The following CDC123 variants were observed in gnomAD, a reference collection of about 807,000 sequenced individuals.
CDC123 encodes translation initiation factor eIF2 assembly protein.
A neutral mutation model predicts 54.4 loss-of-function variants in CDC123; 37 were observed. That is an observed-to-expected ratio of 0.68 (90% CI 0.52 to 0.89). CDC123 has a LOEUF of 0.89. Among genes scored for constraint, CDC123 ranks in the 40% least tolerant of loss-of-function variants. CDC123 has a pLI of 0.00. For missense variants in CDC123, 361 were observed against 412.1 expected, an observed-to-expected ratio of 0.88 and a Z score of 1.07; for synonymous variants, 144 against 136.8, an observed-to-expected ratio of 1.05 and a Z score of -0.37.
chr10:12,207,446 C>T (rs12775830), intron 2 of CDC123, among the ~76,000 whole-genome samples: 1 of 151,796 alleles, frequency 6.6e-6, no homozygotes, highest in Non-Finnish European at 1.5e-5. Flanking sequence ...TTCCATGTCC[C>T]TTTTTTCTCT....
chr10:12,226,352 G>A (rs988277470), intron 6 of CDC123, among the ~76,000 whole-genome samples: 3 of 150,470 alleles, frequency 2.0e-5, no homozygotes, highest in Non-Finnish European at 4.4e-5. Context: ...GGCCGGGCGG[G>A]GGCTGCCCCC....
chr10:12,218,237 CT>C (rs1185705109), intron 6 of CDC123, among the ~76,000 whole-genome samples: 5 of 134,410 alleles, frequency 3.7e-5, no homozygotes, highest in African/African-American at 5.4e-5. Flanking sequence ...GTTTGTATTT[CT>C]TTTTTTTTCT....
At chr10:12,210,649 AGTG>A (rs1376054314) in intron 4 of CDC123, among the ~76,000 whole-genome samples, 1 of 152,156 alleles carries the variant, frequency 6.6e-6, no homozygotes, top group Non-Finnish European at 1.5e-5. Flanking sequence ...TGGAACATAA[AGTG>A]AAAATCTGTA....
intron 7 of CDC123, 26 bp downstream of exon 7, chr10:12,231,022 T>C (rs761414072): frequency 8.3e-6 from 13 of 1,569,412 alleles, no homozygotes; most frequent in Admixed American, 5.3e-5. Context: ...TCTTTGATAA[T>C]TGTAGATGAA....
chr10:12,206,903 G>A (rs1207669150), intron 2 of CDC123, among the ~76,000 whole-genome samples: 1 of 147,754 alleles, frequency 6.8e-6, no homozygotes, highest in East Asian at 2.0e-4. Flanking sequence ...ACCTTGCAAT[G>A]AGCTGAAATC....
rs553634477 is a variant in CDC123 at position 12,220,869 on chromosome 10, C to T, written c.440+3402C>T. Among the ~76,000 whole-genome samples, 630 of 151,778 alleles carry T rather than the reference C, an allele frequency of 4.2e-3. 17 individuals carry two copies. The highest frequency in any genetic ancestry group is 8.5e-4 in the Non-Finnish European group (58 of 67,928). ...GCGGGCGCCTGCAGTCCTAGCTACT[C>T]GGGAGGCTGAGGCAGGAGAATGGCG... On this transcript the variant is annotated intron_variant, in intron 6 of 12. Transcript: ENST00000281141.
At chr10:12,220,415 G>A (rs1190614222) in intron 6 of CDC123, among the ~76,000 whole-genome samples, 2 of 152,236 alleles carry the variant, frequency 1.3e-5, no homozygotes, top group African/African-American at 4.8e-5. Flanking sequence ...AAGTGAGTTT[G>A]AGGTCTTGGA....
At chr10:12,207,446 C>A (rs12775830) in intron 2 of CDC123, among the ~76,000 whole-genome samples, 22 of 151,798 alleles carry the variant, frequency 1.4e-4, no homozygotes, top group East Asian at 1.9e-4. Flanking sequence ...TTCCATGTCC[C>A]TTTTTTCTCT....
At chr10:12,217,582 C>A in intron 6 of CDC123, 115 bp downstream of exon 6, 1 of 1,048,498 alleles carries the variant, frequency 9.5e-7, no homozygotes, top group Non-Finnish European at 1.3e-6. Flanking sequence ...TATAACAAAG[C>A]TATTTCATAT....
At chr10:12,231,625 C>CAAAA (rs368800002) in intron 7 of CDC123, among the ~76,000 whole-genome samples, 1 of 77,278 alleles carries the variant, frequency 1.3e-5, no homozygotes, top group Non-Finnish European at 2.5e-5. Context: ...AACTCCGTCT[C>CAAAA]AAAAAAAAAA....
intron 2 of CDC123, among the ~76,000 whole-genome samples, chr10:12,209,101 G>A (rs1435679791): frequency 6.6e-6 from 1 of 152,008 alleles, no homozygotes; most frequent in Non-Finnish European, 1.5e-5. Flanking sequence ...ATATACTGAG[G>A]TTCAGAGTCT....
intron 5 of CDC123, 121 bp downstream of exon 5, chr10:12,215,956 T>A: frequency 5.2e-6 from 3 of 576,766 alleles, no homozygotes; most frequent in Non-Finnish European, 8.7e-6. Flanking sequence ...TACTGTGGAA[T>A]TTATTATTAA....
In CDC123 at chr10:12,250,543, A is replaced by G; in HGVS notation, c.*206A>G. 1 of 617,154 alleles carries G rather than the reference A, an allele frequency of 1.6e-6. No homozygotes were observed. Among genetic ancestry groups the G allele is most frequent in the Non-Finnish European group, 3.0e-6 (1 of 334,482 alleles). The allele number at this position is 617,154 out of a possible 1,614,324, so 38.2% of individuals were successfully genotyped here. A position where few individuals can be genotyped will look rare whatever the true frequency, so the allele number is the denominator to read the frequency against. ...ATAACATAATAAATAGATCTTAAAC[A>G]TAGGAAAACCATACTGTTCTGATAA... On this transcript the variant is annotated 3_prime_UTR_variant, in exon 13 of 13. Coordinates refer to ENST00000281141, the MANE Select transcript of CDC123 (RefSeq NM_006023.3).
At chr10:12,229,288 C>T (rs754026717) in intron 6 of CDC123, among the ~76,000 whole-genome samples, 4 of 152,188 alleles carry the variant, frequency 2.6e-5, no homozygotes, top group Non-Finnish European at 5.9e-5. Flanking sequence ...ATCTCCCTTG[C>T]GTAGTTGGAG....
At chr10:12,198,160 C>G (rs981152415) in intron 1 of CDC123, among the ~76,000 whole-genome samples, 5 of 152,102 alleles carry the variant, frequency 3.3e-5, no homozygotes, top group African/African-American at 1.2e-4. Flanking sequence ...TAAAGCATGC[C>G]TAGTTTAAGC....
In CDC123 at chr10:12,223,271, T is replaced by A. The variant is rs188877142; in HGVS notation, c.440+5804T>A. On this transcript the variant is annotated intron_variant, in intron 6 of 12. Coordinates refer to ENST00000281141, the MANE Select transcript of CDC123 (RefSeq NM_006023.3). ...TGTGTTGATTATAATTATTATTCGT[T>A]TATGTATTTTATTTTATTTTTATTT... Among the ~76,000 whole-genome samples, 98 of 151,704 alleles carry A rather than the reference T, an allele frequency of 6.5e-4. 1 individual carries two copies. Among genetic ancestry groups the A allele is most frequent in the African/African-American group, 2.2e-3 (92 of 41,366 alleles).
intron 10 of CDC123, among the ~76,000 whole-genome samples, chr10:12,241,001 C>A (rs1244639823): frequency 6.6e-6 from 1 of 152,130 alleles, no homozygotes; most frequent in East Asian, 1.9e-4. Context: ...GCAGTTTACC[C>A]TCGGTAGAGG....
intron 11 of CDC123, among the ~76,000 whole-genome samples, chr10:12,249,190 A>G (rs1836203543): frequency 6.6e-6 from 1 of 151,324 alleles, no homozygotes; most frequent in Admixed American, 6.6e-5. Context: ...TAATCTTAAC[A>G]CTTTGGGAGG....
chr10:12,239,812 T>C (rs1836032411), intron 10 of CDC123, among the ~76,000 whole-genome samples: 1 of 151,488 alleles, frequency 6.6e-6, no homozygotes, highest in South Asian at 2.1e-4. Flanking sequence ...ATCGAGACCA[T>C]CCTGGCTAAA....
Sources: gnomAD v4.1 joint callset for allele counts (sites outside exome capture counted in the v4.1 genomes callset) on GRCh38, gnomAD v4.1.1 for gene constraint, MANE v1.5 for transcripts, NCBI Gene and HGNC (gene_info 2026-07-23, HGNC 2026-07-21) for gene names.